The following PITRM1 variants were observed in gnomAD, a reference collection of about 807,000 sequenced individuals.
PITRM1 encodes presequence protease, mitochondrial.
A neutral mutation model predicts 129.9 loss-of-function variants in PITRM1; 100 were observed. The ratio of observed to expected loss-of-function variants is 0.77; its 90% CI spans 0.65 to 0.91. The LOEUF (loss-of-function observed/expected upper bound fraction) is 0.91, where lower values mean the gene tolerates loss of function less well. Ranked by LOEUF, PITRM1 falls within the 40% of genes least tolerant of loss-of-function variation. The probability of loss-of-function intolerance (pLI) is 0.00; values close to 1 mark genes in which losing one functional copy is unlikely to be tolerated. For missense variants in PITRM1, 1,471 were observed against 1,318.3 expected, an observed-to-expected ratio of 1.12 and a Z score of -1.79; for synonymous variants, 591 against 508.8, an observed-to-expected ratio of 1.16 and a Z score of -2.17.
chr10:3,138,360 G>T, intron 25 of PITRM1, 23 bp from the exon 26 acceptor site: 1 of 1,552,552 alleles, frequency 6.4e-7, no homozygotes, highest in Non-Finnish European at 8.9e-7. Flanking sequence ...CCACAGGCAC[G>T]ATGGAGCCGC....
rs772132775 is a variant in PITRM1, at chr10:3,155,674, T to C, written c.1538A>G (p.Lys513Arg). 1 of 1,613,988 alleles carries C rather than the reference T, an allele frequency of 6.2e-7. No individual in the cohort carries two copies. The highest frequency in any genetic ancestry group is 1.1e-5 in the South Asian group (1 of 91,084). The change falls in exon 14 of 27, where the codon AAG becomes AGG. Residue 513 changes from lysine (K) to arginine (R), a missense_variant. Transcript: ENST00000224949. ...CTTCGTGGCTTCCACCTGTGCCTGC[T>C]TCTCGTGATACTTGTCATCTGGCCT... ...SMRPDDKYHE[K>R]QAQVEATKLK...
At chr10:3,172,680 A>AC in intron 1 of PITRM1, 37 bp downstream of exon 1, 1 of 1,523,092 alleles carries the variant, frequency 6.6e-7, no homozygotes, top group Non-Finnish European at 8.8e-7. Context: ...CCTCCCGGGT[A>AC]CCAGCGCGCC....
At chr10:3,139,993 A>G (rs146232336) in intron 24 of PITRM1, among the ~76,000 whole-genome samples, 2 of 152,364 alleles carry the variant, frequency 1.3e-5, no homozygotes, top group Non-Finnish European at 2.9e-5. Flanking sequence ...CTCAGGCTGT[A>G]TCAGCCCCCT....
intron 12 of PITRM1, 37 bp from the exon 13 acceptor site, chr10:3,157,101 T>A: frequency 6.3e-7 from 1 of 1,588,572 alleles, no homozygotes; most frequent in Non-Finnish European, 8.5e-7. Flanking sequence ...ATGCAGCTGG[T>A]ACCACAGTAC....
chr10:3,147,857 T>G, intron 18 of PITRM1, 120 bp from the exon 19 acceptor site: 1 of 1,172,884 alleles, frequency 8.5e-7, no homozygotes, highest in Non-Finnish European at 1.2e-6. Flanking sequence ...TATAAGTCCA[T>G]ATGAACTACA....
intron 14 of PITRM1, among the ~76,000 whole-genome samples, chr10:3,152,487 G>T (rs1288191032): frequency 6.6e-6 from 1 of 152,146 alleles, no homozygotes; most frequent in Non-Finnish European, 1.5e-5. Context: ...ACCTTGGGGC[G>T]CAGTGAGCAT....
Position 3,163,832 on chromosome 10 carries a change from G to A in PITRM1, c.684C>T (p.Asp228=). ...SQHLQNRLLP[D]HTYSVVSGGD... is the part of the protein sequence containing the mutation. ...CCCCGGAGACCACTGAGTACGTGTG[G>A]TCAGGAAGAAGTCTGTTCTGAAGGT... The change falls in exon 7 of 27, where the codon GAC becomes GAT. Residue 228 remains aspartate (D), a synonymous_variant. Transcript: ENST00000224949. 1 of 1,612,800 alleles carries A rather than the reference G, an allele frequency of 6.2e-7. No homozygotes were observed. Among genetic ancestry groups the A allele is most frequent in the Non-Finnish European group, 8.5e-7 (1 of 1,179,150 alleles).
At position 3,161,994 on chromosome 10, in the gene PITRM1, G is replaced by A. The variant is rs1842480181; in HGVS notation, c.792-1664C>T. 2.0e-5 allele frequency among the ~76,000 whole-genome samples: 3 copies of A among 149,166 alleles called. No homozygotes were observed. The South Asian group carries it at 6.5e-4, about 32-fold the overall frequency. Reference sequence around the variant, plus strand: ...AAGACCAGCCTGGGCAACATGGCGAGACTCTGTCTCTACAAAAAAATATAA... The same window carrying A: ...AAGACCAGCCTGGGCAACATGGCGAAACTCTGTCTCTACAAAAAAATATAA... On this transcript the variant is annotated intron_variant, in intron 7 of 26. Coordinates refer to ENST00000224949, the MANE Select transcript of PITRM1 (RefSeq NM_014889.4).
In PITRM1 at chr10:3,165,220, A is replaced by T. The variant is rs761740536; in HGVS notation, c.630+18T>A. ...GAAAGGTAAGCTGAACACAACATAA[A>T]AAAGGAAGAAAACTTACAAACGCTC... On this transcript the variant is annotated intron_variant, in intron 6 of 26. Coordinates refer to ENST00000224949, the MANE Select transcript of PITRM1 (RefSeq NM_014889.4). 7.2e-6 allele frequency: 11 copies of T among 1,518,046 alleles called. No homozygotes were observed. In the East Asian group the frequency reaches 2.6e-4, roughly 37 times the overall value. 94.0% of individuals were successfully genotyped at this position (1,518,046 alleles called of 1,614,324 possible).
rs1841509960 is a variant in PITRM1, at chr10:3,151,436, TA to T, written c.1622-74del. The T allele has an allele frequency of 1.2e-5, 11 of 914,152 alleles. No homozygotes were observed. The East Asian group carries it at 2.9e-4, about 24-fold the overall frequency. The allele number at this position is 914,152 out of a possible 1,614,324, so 56.6% of individuals were successfully genotyped here. ...GTTTGATGCAACTTGTCTCCTATGT[TA>T]TTATCTTAACATCCAGAATTAGCCG... On this transcript the variant is annotated intron_variant, in intron 14 of 26. Coordinates refer to ENST00000224949, the MANE Select transcript of PITRM1 (RefSeq NM_014889.4).
At chr10:3,158,892 T>C in intron 10 of PITRM1, 22 bp downstream of exon 10, 1 of 1,611,118 alleles carries the variant, frequency 6.2e-7, no homozygotes, top group Non-Finnish European at 8.5e-7. Flanking sequence ...GAACTACTGA[T>C]CTAATCTAAT....
At chr10:3,172,679 T>G (rs1843495760) in intron 1 of PITRM1, 38 bp downstream of exon 1, 1 of 1,521,872 alleles carries the variant, frequency 6.6e-7, no homozygotes, top group Non-Finnish European at 8.8e-7. Flanking sequence ...CCCTCCCGGG[T>G]ACCAGCGCGC....
At chr10:3,145,113 A>T (rs942769567) in intron 21 of PITRM1, 1 of 156,944 alleles carries the variant, frequency 6.4e-6, no homozygotes, top group Non-Finnish European at 1.4e-5. Flanking sequence ...CGGAGAAGAC[A>T]TGAGCGTCAA....
At chr10:3,141,310 T>G (rs1039654822) in intron 23 of PITRM1, among the ~76,000 whole-genome samples, 1 of 152,128 alleles carries the variant, frequency 6.6e-6, no homozygotes, top group Non-Finnish European at 1.5e-5. Flanking sequence ...GGAGAGGTGG[T>G]GGGGAGGGAA....
chr10:3,150,643 G>A (rs1841429707), intron 15 of PITRM1, among the ~76,000 whole-genome samples: 1 of 152,158 alleles, frequency 6.6e-6, no homozygotes. Context: ...TGCCTCTCCT[G>A]CTACTAGCCA....
Position 3,167,635 on chromosome 10 carries a change from G to A in PITRM1, c.160-593C>T, listed in dbSNP as rs1842981384. 1.3e-5 allele frequency among the ~76,000 whole-genome samples: 2 copies of A among 152,172 alleles called. 1 individual carries two copies. The highest frequency in any genetic ancestry group is 4.8e-5 in the African/African-American group (2 of 41,444). ...TAACACAGCGCCCCTTCCAATGTCT[G>A]CTGAGTGTCTCCTGCTTTTGTGTGC... On this transcript the variant is annotated intron_variant, in intron 2 of 26. Transcript: ENST00000224949.
chr10:3,144,802 C>T (rs927146931), intron 21 of PITRM1, among the ~76,000 whole-genome samples: 1 of 151,866 alleles, frequency 6.6e-6, no homozygotes, highest in Non-Finnish European at 1.5e-5. Flanking sequence ...CAGACCCTGT[C>T]TCAAAATAAC....
In PITRM1 at chr10:3,139,003, CGACAGCCTTCCCAAAA is replaced by C; in HGVS notation, c.2802_2817del (p.Phe935ThrfsTer24). 1.2e-6 allele frequency: 2 copies of C among 1,613,862 alleles called. No individual in the cohort carries two copies. Among genetic ancestry groups the C allele is most frequent in the Non-Finnish European group, 1.7e-6 (2 of 1,179,764 alleles). The stretch of plus-strand genomic sequence containing the variant: ...GTGAATTTTCCAGACTTAGCCCAGT[CGACAGCCTTCCCAAAA>C]GACTGGAGCGTCTCTATTGTATTTG... On this transcript the variant is annotated frameshift_variant, in exon 25 of 27. Coordinates refer to ENST00000224949, the MANE Select transcript of PITRM1 (RefSeq NM_014889.4). LOFTEE classifies it high-confidence loss of function.
At chr10:3,151,021 C>T (rs1350904749) in intron 15 of PITRM1, among the ~76,000 whole-genome samples, 1 of 152,036 alleles carries the variant, frequency 6.6e-6, no homozygotes, top group African/African-American at 2.4e-5. Context: ...AAACCCCTCT[C>T]AGGAACACAC....
Sources: allele counts gnomAD v4.1 joint callset (sites outside exome capture counted in the v4.1 genomes callset), GRCh38; gene constraint gnomAD v4.1.1; transcripts MANE v1.5; gene names NCBI Gene and HGNC (gene_info 2026-07-23, HGNC 2026-07-21).